The following TSPAN11 variants were observed in gnomAD, a reference collection of about 807,000 sequenced individuals.
TSPAN11 encodes tetraspanin 11, also known as tetraspanin-11.
A neutral mutation model predicts 32.9 loss-of-function variants in TSPAN11; 29 were observed. The ratio of observed to expected loss-of-function variants is 0.88; its 90% CI spans 0.66 to 1.20. The LOEUF is 1.20. Among genes scored for constraint, TSPAN11 ranks in the 50% most tolerant of loss-of-function variants. The pLI is 0.00. For missense variants in TSPAN11, 283 were observed against 329.1 expected (o/e 0.86, Z 1.08); for synonymous variants, 140 against 141.3 (o/e 0.99, Z 0.07).
At chr12:31,000,170 T>C (rs892009567), downstream of TSPAN11, among the ~76,000 whole-genome samples, 29 of 152,248 alleles carry the variant, frequency 1.9e-4, no homozygotes, top group African/African-American at 7.0e-4. Context: ...ATGACATTTA[T>C]TTAATCTGGC....
chr12:31,000,164 C>CA (rs1939464172), downstream of TSPAN11, among the ~76,000 whole-genome samples: 1 of 152,202 alleles, frequency 6.6e-6, no homozygotes, highest in Non-Finnish European at 1.5e-5. Flanking sequence ...TCCAAAATGA[C>CA]ATTTATTTAA....
intron 3 of TSPAN11, among the ~76,000 whole-genome samples, chr12:30,973,835 T>C (rs1938903400): frequency 6.6e-6 from 1 of 152,210 alleles, no homozygotes; most frequent in South Asian, 2.1e-4. Flanking sequence ...TTCCAGAACC[T>C]TCTTGATGCT....
intron 1 of TSPAN11, among the ~76,000 whole-genome samples, chr12:30,945,043 G>A (rs1204504475): frequency 1.3e-5 from 2 of 152,116 alleles, no homozygotes. Flanking sequence ...TGTTGCACTG[G>A]CCCATGCTGC....
intron 7 of TSPAN11, among the ~76,000 whole-genome samples, chr12:30,985,349 C>A (rs972085825): frequency 2.6e-5 from 4 of 152,000 alleles, no homozygotes; most frequent in African/African-American, 4.8e-5. Flanking sequence ...ATAAATGATA[C>A]CCATCATTTT....
At chr12:30,962,411 A>ATCT in intron 2 of TSPAN11, among the ~76,000 whole-genome samples, 1 of 152,256 alleles carries the variant, frequency 6.6e-6, no homozygotes, top group African/African-American at 2.4e-5. Flanking sequence ...CTCATGGTGT[A>ATCT]ATCTTGGGCA....
chr12:30,945,412 G>A (rs1938246516), intron 1 of TSPAN11, among the ~76,000 whole-genome samples: 1 of 152,182 alleles, frequency 6.6e-6, no homozygotes, highest in African/African-American at 2.4e-5. Context: ...TGTAAAGGAT[G>A]CAGCTGGCCC....
At position 30,966,334 on chromosome 12, in the gene TSPAN11, C is replaced by T. The variant is rs1440690391; in HGVS notation, c.276+2317C>T. On this transcript the variant is annotated intron_variant, in intron 3 of 7. Transcript: ENST00000546076. ...AGGGGAACTTGTAGCAGAGCCAGCC[C>T]TATCACACTGGTGCACCTGGTCACC... Among the ~76,000 whole-genome samples the T allele has an allele frequency of 2.6e-5, 4 of 152,204 alleles. No homozygotes were observed. The East Asian group carries it at 7.7e-4, about 29-fold the overall frequency.
At chr12:30,980,498 C>G (rs1035952184) in intron 5 of TSPAN11, among the ~76,000 whole-genome samples, 1 of 152,078 alleles carries the variant, frequency 6.6e-6, no homozygotes, top group East Asian at 1.9e-4. Flanking sequence ...TCAGAAAATT[C>G]AAGGCAGTGC....
Position 30,965,459 on chromosome 12 carries a change from C to G in TSPAN11, c.276+1442C>G, listed in dbSNP as rs56144138. On this transcript the variant is annotated intron_variant, in intron 3 of 7. Transcript: ENST00000546076. ...CAAGAAAGAATACAGAAGCCCCCAC[C>G]GAGCGCCTTCCTCTGACCCAGAGCC... is the stretch of plus-strand genomic sequence containing the variant. Among the ~76,000 whole-genome samples the G allele has an allele frequency of 1.9e-3, 285 of 152,250 alleles. 3 individuals are homozygous for G. In the East Asian group the frequency reaches 0.032, roughly 17 times the overall value.
chr12:31,001,711 C>T, the TSPAN11 span, among the ~76,000 whole-genome samples: 1 of 152,126 alleles, frequency 6.6e-6, no homozygotes, highest in East Asian at 1.9e-4. Context: ...GTTCCCCCAC[C>T]ACATCACACA....
At chr12:30,974,016 C>A (rs577169076) in intron 3 of TSPAN11, among the ~76,000 whole-genome samples, 1 of 152,174 alleles carries the variant, frequency 6.6e-6, no homozygotes, top group Non-Finnish European at 1.5e-5. Context: ...ATTCCAGCCC[C>A]GGGGTCCCAT....
intron 1 of TSPAN11, among the ~76,000 whole-genome samples, chr12:30,947,979 T>TA (rs1938303293): frequency 6.6e-6 from 1 of 152,152 alleles, no homozygotes; most frequent in Non-Finnish European, 1.5e-5. Flanking sequence ...ATTGGGTAAA[T>TA]ACAGCCATTC....
chr12:30,971,186 A>G (rs973662774), intron 3 of TSPAN11, among the ~76,000 whole-genome samples: 1 of 152,204 alleles, frequency 6.6e-6, no homozygotes, highest in African/African-American at 2.4e-5. Flanking sequence ...ATGGCTTGGC[A>G]GGAAGCTTCA....
At chr12:31,006,280 A>G in the TSPAN11 span, among the ~76,000 whole-genome samples, 1 of 152,338 alleles carries the variant, frequency 6.6e-6, no homozygotes, top group South Asian at 2.1e-4. Flanking sequence ...CCAACCAACC[A>G]GAAGTCGCCA....
chr12:30,980,657 T>C (rs541564395), intron 5 of TSPAN11, among the ~76,000 whole-genome samples: 7 of 151,062 alleles, frequency 4.6e-5, no homozygotes, highest in Non-Finnish European at 1.0e-4. Context: ...ATGGATCAAC[T>C]GGAAGGCCCC....
At chr12:30,980,589 C>T (rs974142435) in intron 5 of TSPAN11, among the ~76,000 whole-genome samples, 1 of 151,910 alleles carries the variant, frequency 6.6e-6, no homozygotes, top group Middle Eastern at 3.4e-3. Flanking sequence ...GTCTTGGCTC[C>T]GGAACGTCAG....
intron 2 of TSPAN11, among the ~76,000 whole-genome samples, chr12:30,956,225 A>G (rs1436010218): frequency 6.6e-6 from 1 of 152,260 alleles, no homozygotes; most frequent in East Asian, 1.9e-4. Flanking sequence ...TCAGTCTCCA[A>G]TAGCGCTGGC....
intron 1 of TSPAN11, among the ~76,000 whole-genome samples, chr12:30,943,286 G>A (rs191450520): frequency 1.3e-4 from 20 of 152,236 alleles, no homozygotes; most frequent in Admixed American, 5.9e-4. Context: ...AAAGTCAAAC[G>A]TCTGCTCTGC....
the TSPAN11 span, among the ~76,000 whole-genome samples, chr12:31,013,630 G>A: frequency 2.2e-5 from 2 of 89,344 alleles, no homozygotes; most frequent in African/African-American, 7.4e-5. Context: ...CAAAACGAGG[G>A]AGCATCCCAG....
Sources: gnomAD v4.1 joint callset for allele counts (sites outside exome capture counted in the v4.1 genomes callset) on GRCh38, gnomAD v4.1.1 for gene constraint, MANE v1.5 for transcripts, NCBI Gene and HGNC (gene_info 2026-07-23, HGNC 2026-07-21) for gene names.